THSD4: variants seen among roughly 807,000 people sequenced by gnomAD.
THSD4 encodes the protein thrombospondin type-1 domain-containing protein 4.
In THSD4, 69 loss-of-function variants were observed where a neutral mutation model predicts 119.0. The observed-to-expected ratio is 0.58, with a 90% CI of 0.48 to 0.71. THSD4 has a LOEUF of 0.71. Ranked by LOEUF, THSD4 falls within the 30% of genes least tolerant of loss-of-function variation. The pLI is 0.00. For synonymous variants in THSD4, 524 were observed against 540.4 expected, an observed-to-expected ratio of 0.97 and a Z score of 0.42; for missense variants, 1,393 against 1,391.1, an observed-to-expected ratio of 1.00 and a Z score of -0.02.
At chr15:71,629,582 A>T (rs1318366889) in intron 7 of THSD4, among the ~76,000 whole-genome samples, 1 of 152,078 alleles carries the variant, frequency 6.6e-6, no homozygotes, top group Non-Finnish European at 1.5e-5. Context: ...GTTTCTTGAG[A>T]ACTCAGCTCT....
chr15:71,312,361 G>A (rs895433077), intron 6 of THSD4, among the ~76,000 whole-genome samples: 1 of 151,808 alleles, frequency 6.6e-6, no homozygotes, highest in Non-Finnish European at 1.5e-5. Context: ...TGGGGGGAGG[G>A]TAATTGAGTT....
chr15:71,446,579 AT>A (rs542998222), intron 7 of THSD4, among the ~76,000 whole-genome samples: 144 of 152,296 alleles, frequency 9.5e-4, no homozygotes, highest in Middle Eastern at 3.4e-3. Context: ...ATAGCAGGAT[AT>A]TTTTGGCTGC....
At chr15:71,678,046 G>T (rs894101745) in intron 8 of THSD4, among the ~76,000 whole-genome samples, 7 of 152,188 alleles carry the variant, frequency 4.6e-5, no homozygotes, top group African/African-American at 1.7e-4. Flanking sequence ...ATCGCTCCCA[G>T]GTCTCCTATC....
At chr15:71,551,630 C>T (rs1049264117) in intron 7 of THSD4, among the ~76,000 whole-genome samples, 7 of 152,140 alleles carry the variant, frequency 4.6e-5, no homozygotes, top group East Asian at 3.8e-4. Flanking sequence ...CTGGGGGAAA[C>T]GAGATGGAAG....
chr15:71,661,379 C>A (rs535355532), intron 8 of THSD4, among the ~76,000 whole-genome samples: 2 of 151,750 alleles, frequency 1.3e-5, no homozygotes, highest in African/African-American at 4.9e-5. Context: ...ACAAGCCAAT[C>A]GAACACATTA....
chr15:71,692,353 C>G (rs1247772546), intron 8 of THSD4, among the ~76,000 whole-genome samples: 3 of 152,206 alleles, frequency 2.0e-5, no homozygotes, highest in Admixed American at 2.0e-4. Context: ...CACGAGAGGA[C>G]TTTTTTCCCC....
At chr15:71,330,924 A>T (rs543787039) in intron 6 of THSD4, among the ~76,000 whole-genome samples, 1 of 152,346 alleles carries the variant, frequency 6.6e-6, no homozygotes, top group Admixed American at 6.5e-5. Context: ...TGACATGGAC[A>T]CTAACCCGTT....
At chr15:71,244,504 T>C (rs2140276324) in intron 5 of THSD4, among the ~76,000 whole-genome samples, 1 of 152,352 alleles carries the variant, frequency 6.6e-6, no homozygotes, top group African/African-American at 2.4e-5. Flanking sequence ...CCTGGGTTGC[T>C]TTTTAGCTTA....
At chr15:71,674,321 G>A (rs572598199) in intron 8 of THSD4, among the ~76,000 whole-genome samples, 147 of 152,232 alleles carry the variant, frequency 9.7e-4, no homozygotes, top group African/African-American at 3.4e-3. Context: ...GGATGCTCTT[G>A]GACAAGTTCC....
chr15:71,252,866 TATC>T (rs56093539), intron 5 of THSD4, among the ~76,000 whole-genome samples: 32 of 151,224 alleles, frequency 2.1e-4, no homozygotes, highest in Admixed American at 1.3e-3. Flanking sequence ...AAAAGTTAGG[TATC>T]ATCATCATCA....
intron 6 of THSD4, among the ~76,000 whole-genome samples, chr15:71,323,533 G>C (rs2045301950): frequency 1.3e-5 from 2 of 152,202 alleles, no homozygotes; most frequent in Admixed American, 1.3e-4. Context: ...AGAGCTGCAG[G>C]GGGGTTTGGG....
intron 2 of THSD4, among the ~76,000 whole-genome samples, chr15:71,153,768 A>G (rs778694642): frequency 6.6e-6 from 1 of 152,206 alleles, no homozygotes; most frequent in Non-Finnish European, 1.5e-5. Flanking sequence ...GGGAACCACT[A>G]TATTATTTAA....
At chr15:71,608,235 A>ATATATAT (rs1198640794) in intron 7 of THSD4, among the ~76,000 whole-genome samples, 8 of 51,008 alleles carry the variant, frequency 1.6e-4, no homozygotes, top group East Asian at 1.3e-3. Flanking sequence ...AAAAAAAAAA[A>ATATATAT]AAATATATAT....
intron 7 of THSD4, among the ~76,000 whole-genome samples, chr15:71,468,868 A>G (rs2047535173): frequency 6.6e-6 from 1 of 152,240 alleles, no homozygotes; most frequent in African/African-American, 2.4e-5. Context: ...AGAATATCCC[A>G]AAAGTTGCAC....
intron 3 of THSD4, among the ~76,000 whole-genome samples, chr15:71,205,682 C>A (rs1359848747): frequency 6.6e-6 from 1 of 152,130 alleles, no homozygotes; most frequent in Admixed American, 6.5e-5. Context: ...CTGTGAGGTT[C>A]TTACACTGAT....
At chr15:71,532,188 GAC>G (rs1380295329) in intron 7 of THSD4, among the ~76,000 whole-genome samples, 2 of 151,936 alleles carry the variant, frequency 1.3e-5, no homozygotes, top group African/African-American at 4.8e-5. Flanking sequence ...AGGGAAGAGA[GAC>G]ATGACCCAGA....
At position 71,737,798 on chromosome 15, in the gene THSD4, G is replaced by A. The variant is rs768718689; in HGVS notation, c.1697G>A (p.Arg566Lys). ...CAGGAGGAGGGAGAACAGAAAGGGA[G>A]GAACGAGGAGAAGGAAGACTTGCGT... is the stretch of plus-strand genomic sequence containing the variant. ...RSQEEGEQKGRNEEKEDLRGE... is the reference protein window; with the variant it reads ...RSQEEGEQKGKNEEKEDLRGE... The change falls in exon 11 of 18, where the codon AGG becomes AAG. Residue 566 changes from arginine to lysine, a missense_variant. Coordinates refer to ENST00000261862, the MANE Select transcript of THSD4 (RefSeq NM_024817.3). 3.1e-6 allele frequency: 5 copies of A among 1,614,108 alleles called. No homozygotes were observed. Among genetic ancestry groups the A allele is most frequent in the African/African-American group, 2.7e-5 (2 of 74,948 alleles).
intron 7 of THSD4, among the ~76,000 whole-genome samples, chr15:71,543,116 G>A (rs114179153): frequency 6.6e-6 from 1 of 152,142 alleles, no homozygotes; most frequent in Non-Finnish European, 1.5e-5. Flanking sequence ...CTGTAGTTTA[G>A]TTAATATTAT....
rs185684186 is a variant in THSD4 at position 71,656,475 on chromosome 15, A to G, written c.1153-4055A>G. Among the ~76,000 whole-genome samples, 8 of 152,360 alleles carry G rather than the reference A, an allele frequency of 5.3e-5. No individual in the cohort carries two copies. The East Asian group carries it at 1.5e-3, about 29-fold the overall frequency. On this transcript the variant is annotated intron_variant, in intron 7 of 17. Coordinates refer to ENST00000261862, the MANE Select transcript of THSD4 (RefSeq NM_024817.3). ...AGTATAATGTTAAAAGAGCCAGTGT[A>G]AGAGAGATACATAATGGGGTTGGTC... is the stretch of plus-strand genomic sequence containing the variant.
Sources: gnomAD v4.1 joint callset for allele counts (sites outside exome capture counted in the v4.1 genomes callset) on GRCh38, gnomAD v4.1.1 for gene constraint, MANE v1.5 for transcripts, NCBI Gene and HGNC (gene_info 2026-07-23, HGNC 2026-07-21) for gene names.